Variants in ADAMTS3 observed in about 807,000 individuals in gnomAD.
ADAMTS3 encodes the protein A disintegrin and metalloproteinase with thrombospondin motifs 3.
Under a neutral mutation model 129.0 loss-of-function variants are expected in ADAMTS3, and 73 were observed. That is an observed-to-expected ratio of 0.57 (90% CI 0.47 to 0.69). ADAMTS3 has a LOEUF of 0.69. Ranked by LOEUF, ADAMTS3 falls within the 30% of genes least tolerant of loss-of-function variation. The pLI is 0.00. For synonymous variants in ADAMTS3, 477 were observed against 510.8 expected (o/e 0.93, Z 0.89); for missense variants, 1,457 against 1,514.5 (o/e 0.96, Z 0.63).
intron 3 of ADAMTS3, among the ~76,000 whole-genome samples, chr4:72,547,883 C>A (rs926951142): frequency 6.6e-6 from 1 of 152,032 alleles, no homozygotes; most frequent in Non-Finnish European, 1.5e-5. Context: ...CACACTTAAC[C>A]CTCAACCACA....
chr4:72,475,165 A>G (rs1719196463), intron 3 of ADAMTS3, among the ~76,000 whole-genome samples: 3 of 152,074 alleles, frequency 2.0e-5, no homozygotes, highest in Admixed American at 2.0e-4. Flanking sequence ...GCCCTAACAT[A>G]TTAATAATTA....
At chr4:72,564,612 T>A (rs1361772312) in intron 2 of ADAMTS3, among the ~76,000 whole-genome samples, 2 of 152,210 alleles carry the variant, frequency 1.3e-5, no homozygotes, top group East Asian at 3.9e-4. Context: ...TCAAAACCTA[T>A]TTACCCATTT....
At chr4:72,379,622 G>A (rs577166621) in intron 4 of ADAMTS3, among the ~76,000 whole-genome samples, 115 of 152,148 alleles carry the variant, frequency 7.6e-4, no homozygotes, top group African/African-American at 2.7e-3. Context: ...ATAAATATTG[G>A]ATTCAAGTTT....
intron 4 of ADAMTS3, among the ~76,000 whole-genome samples, chr4:72,348,022 A>C (rs1720332939): frequency 6.6e-6 from 1 of 152,104 alleles, no homozygotes; most frequent in African/African-American, 2.4e-5. Context: ...ATGATTAATA[A>C]AAATGTAAAT....
At chr4:72,529,529 C>G (rs1720905069) in intron 3 of ADAMTS3, among the ~76,000 whole-genome samples, 1 of 149,056 alleles carries the variant, frequency 6.7e-6, no homozygotes, top group South Asian at 2.1e-4. Flanking sequence ...GAGCCTTACC[C>G]AAGACCAAAT....
intron 3 of ADAMTS3, among the ~76,000 whole-genome samples, chr4:72,449,974 C>A (rs1447902980): frequency 6.6e-6 from 1 of 151,652 alleles, no homozygotes; most frequent in Admixed American, 6.6e-5. Flanking sequence ...AACATTAAGA[C>A]TTCTCCTAAT....
At chr4:72,505,114 G>A (rs1720124218) in intron 3 of ADAMTS3, among the ~76,000 whole-genome samples, 1 of 152,118 alleles carries the variant, frequency 6.6e-6, no homozygotes, top group Non-Finnish European at 1.5e-5. Flanking sequence ...AGACCCTTTG[G>A]TGGTGTCACT....
chr4:72,419,864 G>T (rs1722400292), intron 3 of ADAMTS3, among the ~76,000 whole-genome samples: 2 of 151,994 alleles, frequency 1.3e-5, no homozygotes, highest in African/African-American at 4.8e-5. Flanking sequence ...TTAACATGTA[G>T]AAACAGAGAC....
chr4:72,490,902 T>C (rs1357703447), intron 3 of ADAMTS3, among the ~76,000 whole-genome samples: 2 of 151,890 alleles, frequency 1.3e-5, no homozygotes, highest in African/African-American at 4.8e-5. Flanking sequence ...ATGCACTGAG[T>C]CTGTATATAA....
At chr4:72,529,534 C>T (rs1203430621) in intron 3 of ADAMTS3, among the ~76,000 whole-genome samples, 1 of 148,774 alleles carries the variant, frequency 6.7e-6, no homozygotes, top group African/African-American at 2.5e-5. Flanking sequence ...TTACCCAAGA[C>T]CAAATGAATC....
At chr4:72,335,765 T>G (rs749248894) in intron 5 of ADAMTS3, among the ~76,000 whole-genome samples, 15 of 152,308 alleles carry the variant, frequency 9.8e-5, no homozygotes, top group Non-Finnish European at 1.9e-4. Flanking sequence ...CAATAATAAT[T>G]GTTAATTTAT....
intron 3 of ADAMTS3, among the ~76,000 whole-genome samples, chr4:72,511,740 A>G (rs915725904): frequency 3.3e-5 from 5 of 152,200 alleles, no homozygotes; most frequent in Non-Finnish European, 1.5e-5. Context: ...CTACCATATG[A>G]CCCAGCAATC....
chr4:72,434,768 A>G (rs975353682), intron 3 of ADAMTS3, among the ~76,000 whole-genome samples: 34 of 151,866 alleles, frequency 2.2e-4, no homozygotes, highest in African/African-American at 8.2e-4. Flanking sequence ...TGACTTCAGC[A>G]GGTGAGAGCT....
intron 15 of ADAMTS3, among the ~76,000 whole-genome samples, chr4:72,306,943 T>C (rs1333474331): frequency 6.6e-6 from 1 of 151,900 alleles, no homozygotes; most frequent in Non-Finnish European, 1.5e-5. Flanking sequence ...ATCATAAATA[T>C]TATGACCTGA....
At position 72,410,073 on chromosome 4, in the gene ADAMTS3, T is replaced by G. The variant is rs72852049; in HGVS notation, c.661+4742A>C. On this transcript the variant is annotated intron_variant, in intron 4 of 21. Transcript: ENST00000286657. ...TAATTTCTATTGTTCAATATTTGTG[T>G]GGGTTACAAAGCCCACCAATGATTC... Among the ~76,000 whole-genome samples the G allele has an allele frequency of 5.9e-3, 893 of 152,258 alleles. 15 individuals carry two copies. The highest frequency in any genetic ancestry group is 0.021 in the African/African-American group (854 of 41,538).
chr4:72,392,426 AT>A (rs1721619450), intron 4 of ADAMTS3, among the ~76,000 whole-genome samples: 2 of 152,316 alleles, frequency 1.3e-5, no homozygotes, highest in South Asian at 4.1e-4. Flanking sequence ...TTTAAAAAAA[AT>A]CCACCCCCTT....
chr4:72,492,507 T>A (rs1578730969), intron 3 of ADAMTS3, among the ~76,000 whole-genome samples: 1 of 151,934 alleles, frequency 6.6e-6, no homozygotes, highest in Admixed American at 6.6e-5. Context: ...TTCCATATAT[T>A]TGTGAATTTT....
chr4:72,458,833 A>G (rs1054522965), intron 3 of ADAMTS3, among the ~76,000 whole-genome samples: 22 of 151,566 alleles, frequency 1.5e-4, no homozygotes, highest in African/African-American at 5.1e-4. Context: ...CACCATTTTC[A>G]GTAAGAACAA....
At chr4:72,433,531 G>T (rs1292365879) in intron 3 of ADAMTS3, among the ~76,000 whole-genome samples, 1 of 151,832 alleles carries the variant, frequency 6.6e-6, no homozygotes, top group Non-Finnish European at 1.5e-5. Context: ...TGTGTGTCAG[G>T]CAGAATCCAA....
Sources: gnomAD v4.1 joint callset for allele counts (sites outside exome capture counted in the v4.1 genomes callset) on GRCh38, gnomAD v4.1.1 for gene constraint, MANE v1.5 for transcripts, NCBI Gene and HGNC (gene_info 2026-07-23, HGNC 2026-07-21) for gene names.